The following CCDC125 variants were observed in gnomAD, a reference collection of about 807,000 sequenced individuals.
CCDC125 encodes coiled-coil domain containing 125, also known as coiled-coil domain-containing protein 125.
CCDC125 carries 43 observed loss-of-function variants against 57.4 expected under a neutral mutation model. That is an observed-to-expected ratio of 0.75 (90% CI 0.59 to 0.97). The LOEUF (loss-of-function observed/expected upper bound fraction) is 0.97. Ranked by LOEUF, CCDC125 falls within the 50% of genes least tolerant of loss-of-function variation. CCDC125 has a pLI of 0.00. For synonymous variants in CCDC125, 187 were observed against 195.2 expected, an observed-to-expected ratio of 0.96 and a Z score of 0.35; for missense variants, 563 against 595.7, an observed-to-expected ratio of 0.95 and a Z score of 0.57.
chr5:69,302,157 C>T (rs1180695064), intron 7 of CCDC125, among the ~76,000 whole-genome samples: 2 of 151,714 alleles, frequency 1.3e-5, no homozygotes, highest in Non-Finnish European at 2.9e-5. Context: ...CATGGTGATT[C>T]ACACCTGTAA....
intron 9 of CCDC125, among the ~76,000 whole-genome samples, chr5:69,293,408 T>C (rs1754798137): frequency 1.3e-5 from 2 of 152,128 alleles, no homozygotes; most frequent in Non-Finnish European, 2.9e-5. Context: ...TCCCAGCACT[T>C]TGGGGGGCCA....
intron 8 of CCDC125, among the ~76,000 whole-genome samples, chr5:69,298,191 C>T (rs1402634592): frequency 1.3e-5 from 2 of 151,816 alleles, no homozygotes; most frequent in African/African-American, 2.4e-5. Context: ...AATTTTTGTA[C>T]TTTTAATAGA....
chr5:69,299,111 C>CTTTT (rs11451510), intron 8 of CCDC125, among the ~76,000 whole-genome samples: 1 of 129,468 alleles, frequency 7.7e-6, no homozygotes, highest in African/African-American at 2.7e-5. Flanking sequence ...TTCTTTCTTT[C>CTTTT]TTTTTTTTTT....
the CCDC125 span, chr5:69,273,119 T>TA: frequency 9.6e-7 from 1 of 1,043,874 alleles, no homozygotes; most frequent in Non-Finnish European, 1.3e-6. Flanking sequence ...TAGAATTTCA[T>TA]AAAATTAACA....
chr5:69,285,508 T>G, intron 10 of CCDC125, 41 bp from the exon 11 acceptor site: 1 of 1,569,634 alleles, frequency 6.4e-7, no homozygotes, highest in South Asian at 1.2e-5. Context: ...CATTAAAATA[T>G]CCTCACTGAT....
At chr5:69,316,453 A>C (rs1759121103) in intron 2 of CCDC125, among the ~76,000 whole-genome samples, 1 of 152,212 alleles carries the variant, frequency 6.6e-6, no homozygotes, top group East Asian at 1.9e-4. Flanking sequence ...TGAGCCAAGG[A>C]ATGCAGTAGC....
the CCDC125 span, chr5:69,273,076 TA>T: frequency 5.7e-4 from 783 of 1,385,632 alleles, 5 homozygotes; most frequent in African/African-American, 0.01. Context: ...CTAGGAAATA[TA>T]AAAATAATCT....
Position 69,300,014 on chromosome 5 carries a change from C to G in CCDC125, c.814G>C (p.Glu272Gln), listed in dbSNP as rs755608900. The change falls in exon 8 of 12, where the codon GAG (glutamate) becomes CAG (glutamine). Residue 272 changes from glutamate to glutamine, a missense_variant and splice_region_variant. Coordinates refer to ENST00000396496, the MANE Select transcript of CCDC125 (RefSeq NM_176816.5). ...KSGFAEASGL[E>Q]LAVLGACLCH... ...AGCTTTCCTGCATGCTTACCTACCT[C>G]AAGACCTGAAGCCTCTGCAAAGCCA... 10 of 1,612,096 alleles carry G rather than the reference C, an allele frequency of 6.2e-6. No individual in the cohort carries two copies. The Admixed American group carries it at 8.3e-5, about 13-fold the overall frequency.
intron 7 of CCDC125, among the ~76,000 whole-genome samples, chr5:69,300,662 CTT>C (rs1756245989): frequency 6.6e-6 from 1 of 152,036 alleles, no homozygotes; most frequent in Non-Finnish European, 1.5e-5. Context: ...AAGGGGAGGA[CTT>C]ATGATCATGA....
intron 8 of CCDC125, among the ~76,000 whole-genome samples, chr5:69,297,657 C>T (rs1161020551): frequency 1.3e-5 from 2 of 151,284 alleles, no homozygotes; most frequent in African/African-American, 4.8e-5. Flanking sequence ...CCGCACCTGG[C>T]CCATATATTT....
At chr5:69,303,818 T>C in intron 7 of CCDC125, 29 bp downstream of exon 7, 3 of 1,256,890 alleles carry the variant, frequency 2.4e-6, no homozygotes, top group Non-Finnish European at 3.5e-6. Context: ...TATTGATACA[T>C]GTGCTCTTAA....
At chr5:69,290,620 CTT>C (rs1160739346) in intron 10 of CCDC125, among the ~76,000 whole-genome samples, 1 of 122,402 alleles carries the variant, frequency 8.2e-6, no homozygotes, top group Non-Finnish European at 1.7e-5. Flanking sequence ...TTTTTTTTTT[CTT>C]TTTTTTCTTT....
intron 8 of CCDC125, among the ~76,000 whole-genome samples, chr5:69,299,195 C>T (rs984949805): frequency 7.9e-5 from 12 of 151,972 alleles, no homozygotes; most frequent in South Asian, 2.1e-4. Flanking sequence ...CTGCAAGCTC[C>T]GCCTCCTGGG....
intron 11 of CCDC125, among the ~76,000 whole-genome samples, chr5:69,283,379 C>T (rs1209317589): frequency 6.6e-6 from 1 of 151,922 alleles, no homozygotes; most frequent in Non-Finnish European, 1.5e-5. Context: ...GCCACCACAC[C>T]CAGCTAATTT....
At chr5:69,287,271 T>TC (rs1282733982) in intron 10 of CCDC125, among the ~76,000 whole-genome samples, 1 of 151,380 alleles carries the variant, frequency 6.6e-6, no homozygotes, top group Non-Finnish European at 1.5e-5. Context: ...CAATTTTTTT[T>TC]TTTTTTTTTG....
In CCDC125 at chr5:69,280,965, C is replaced by G. The variant is rs1439619399; in HGVS notation, c.*1764G>C. On this transcript the variant is annotated 3_prime_UTR_variant, in exon 12 of 12. Coordinates refer to ENST00000396496, the MANE Select transcript of CCDC125 (RefSeq NM_176816.5). Reference sequence around the variant, plus strand: ...ACAGGTGCATGCCACCATGCCTTGCCGAGTTTTTGTATAGATGGGGTTTCA... The same window carrying G: ...ACAGGTGCATGCCACCATGCCTTGCGGAGTTTTTGTATAGATGGGGTTTCA... 6.6e-6 allele frequency: 1 copy of G among 152,174 alleles called. No individual in the cohort carries two copies. Among genetic ancestry groups the G allele is most frequent in the Non-Finnish European group, 1.5e-5 (1 of 68,154 alleles). The allele number at this position is 152,174 out of a possible 1,614,324, so 9.4% of individuals were successfully genotyped here.
At chr5:69,303,132 AC>A (rs376182373) in intron 7 of CCDC125, among the ~76,000 whole-genome samples, 47 of 152,190 alleles carry the variant, frequency 3.1e-4, no homozygotes, top group African/African-American at 1.1e-3. Context: ...CAATCCTCCC[AC>A]TTCAACCTCC....
intron 10 of CCDC125, among the ~76,000 whole-genome samples, chr5:69,287,808 A>G (rs952624647): frequency 6.8e-6 from 1 of 147,894 alleles, no homozygotes; most frequent in Non-Finnish European, 1.5e-5. Context: ...AGCTCAAGCA[A>G]TCCTCCTGCC....
intron 10 of CCDC125, among the ~76,000 whole-genome samples, chr5:69,289,077 C>G (rs964626907): frequency 6.6e-6 from 1 of 152,198 alleles, no homozygotes; most frequent in African/African-American, 2.4e-5. Context: ...TCCTAATGGC[C>G]AAGCTCCACA....
Sources: gnomAD v4.1 joint callset for allele counts (sites outside exome capture counted in the v4.1 genomes callset) on GRCh38, gnomAD v4.1.1 for gene constraint, MANE v1.5 for transcripts, NCBI Gene and HGNC (gene_info 2026-07-23, HGNC 2026-07-21) for gene names.